Variants in TBC1D4 observed in about 807,000 individuals in gnomAD.
TBC1D4 encodes the protein TBC (Tre-2, BUB2, CDC16) domain-containing protein.
TBC1D4 carries 121 observed loss-of-function variants against 142.5 expected under a neutral mutation model. The observed-to-expected ratio is 0.85, with a 90% CI of 0.73 to 0.99. The LOEUF (loss-of-function observed/expected upper bound fraction) is 0.99, where lower values mean the gene tolerates loss of function less well. Among genes scored for constraint, TBC1D4 ranks in the 50% least tolerant of loss-of-function variants. TBC1D4 has a pLI of 0.00. For missense variants in TBC1D4, 1,475 were observed against 1,606.6 expected (o/e 0.92, Z 1.40); for synonymous variants, 630 against 628.2 (o/e 1.00, Z -0.04).
chr13:75,305,380 A>G (rs1877074449), intron 15 of TBC1D4, among the ~76,000 whole-genome samples: 1 of 152,256 alleles, frequency 6.6e-6, no homozygotes, highest in Non-Finnish European at 1.5e-5. Context: ...AAGCACTCCT[A>G]AAATATCTTT....
intron 5 of TBC1D4, among the ~76,000 whole-genome samples, chr13:75,344,854 ATAC>A (rs1881021296): frequency 6.6e-6 from 1 of 152,254 alleles, no homozygotes; most frequent in East Asian, 1.9e-4. Flanking sequence ...GTGAAATAAA[ATAC>A]TACTATCTGG....
At chr13:75,342,675 C>A (rs142346079) in intron 5 of TBC1D4, among the ~76,000 whole-genome samples, 3,458 of 151,814 alleles carry the variant, frequency 0.023, 66 homozygotes, top group Non-Finnish European at 0.033. Context: ...AAGTTTAATT[C>A]ATATTTGCAG....
At chr13:75,389,527 T>C (rs1419721598) in intron 1 of TBC1D4, among the ~76,000 whole-genome samples, 1 of 152,238 alleles carries the variant, frequency 6.6e-6, no homozygotes, top group Non-Finnish European at 1.5e-5. Context: ...TGGTTTTATT[T>C]AACTATTGTA....
chr13:75,296,325 T>G (rs1875923736), intron 17 of TBC1D4, among the ~76,000 whole-genome samples: 1 of 152,174 alleles, frequency 6.6e-6, no homozygotes, highest in Admixed American at 6.5e-5. Context: ...AAAGAGTTAG[T>G]ATTTTGGTAA....
chr13:75,434,154 T>C (rs753695472), intron 1 of TBC1D4, among the ~76,000 whole-genome samples: 27 of 152,172 alleles, frequency 1.8e-4, no homozygotes, highest in Non-Finnish European at 3.1e-4. Context: ...GCAATCCCAC[T>C]ACTGGGTATA....
chr13:75,481,199 C>CCCCCCACCCCCCCA, intron 1 of TBC1D4, 71 bp downstream of exon 1: 6 of 1,241,712 alleles, frequency 4.8e-6, no homozygotes, highest in East Asian at 3.0e-5. Flanking sequence ...GTGGGGTCCC[C>CCCCCCACCCCCCCA]GCCCCTCCCG....
At chr13:75,402,531 G>A (rs1885143633) in intron 1 of TBC1D4, among the ~76,000 whole-genome samples, 1 of 152,034 alleles carries the variant, frequency 6.6e-6, no homozygotes, top group Non-Finnish European at 1.5e-5. Flanking sequence ...TTTAAGTTGA[G>A]CAATCTGAAA....
At chr13:75,358,064 T>G (rs531712972) in intron 3 of TBC1D4, among the ~76,000 whole-genome samples, 1 of 150,886 alleles carries the variant, frequency 6.6e-6, no homozygotes, top group African/African-American at 2.4e-5. Context: ...GCTTGAGGAG[T>G]GTGGGGTGGG....
At chr13:75,470,163 AT>A (rs201304790) in intron 1 of TBC1D4, among the ~76,000 whole-genome samples, 3 of 151,682 alleles carry the variant, frequency 2.0e-5, no homozygotes, top group East Asian at 1.9e-4. Flanking sequence ...GGGGTTATCA[AT>A]TTTTTTTTCC....
intron 3 of TBC1D4, 110 bp from the exon 4 acceptor site, chr13:75,356,361 C>G (rs1358362385): frequency 1.3e-6 from 1 of 797,656 alleles, no homozygotes; most frequent in South Asian, 1.5e-5. Context: ...ACGAATTTCT[C>G]CTTCACAGCA....
At chr13:75,424,505 A>C (rs929485556) in intron 1 of TBC1D4, among the ~76,000 whole-genome samples, 1 of 152,134 alleles carries the variant, frequency 6.6e-6, no homozygotes, top group Non-Finnish European at 1.5e-5. Flanking sequence ...ACAGAAGTAA[A>C]AAAAAAATCT....
chr13:75,462,380 C>T (rs1038313959), intron 1 of TBC1D4, among the ~76,000 whole-genome samples: 2 of 151,974 alleles, frequency 1.3e-5, no homozygotes, highest in Non-Finnish European at 2.9e-5. Flanking sequence ...AATAGATAAG[C>T]AAAGAGAAGA....
intron 1 of TBC1D4, among the ~76,000 whole-genome samples, chr13:75,371,745 C>A (rs957345661): frequency 2.0e-5 from 3 of 152,092 alleles, no homozygotes; most frequent in Non-Finnish European, 4.4e-5. Context: ...GAGCGGTTTG[C>A]CCCTGTAAAA....
At chr13:75,359,268 T>A (rs1397763561) in intron 3 of TBC1D4, among the ~76,000 whole-genome samples, 2 of 152,310 alleles carry the variant, frequency 1.3e-5, no homozygotes, top group African/African-American at 4.8e-5. Flanking sequence ...AACATTTAAA[T>A]ACACAGTTTG....
chr13:75,457,928 C>T (rs1887805922), intron 1 of TBC1D4, among the ~76,000 whole-genome samples: 1 of 152,166 alleles, frequency 6.6e-6, no homozygotes, highest in African/African-American at 2.4e-5. Flanking sequence ...GGGGAGCATG[C>T]AGATGGGCAG....
rs1361327551 is a variant in TBC1D4, at chr13:75,310,071, AC to A, written c.2463del (p.Ser822LeufsTer18). ...TMEEEPLVVF[L>X]SGEDDPEKIE... Reference sequence around the variant, plus strand: ...ATCTTTTCTGGGTCATCCTCCCCAGACAGGAATACAACCAGCGGTTCCTCCT... The same window carrying A: ...ATCTTTTCTGGGTCATCCTCCCCAGAAGGAATACAACCAGCGGTTCCTCCT... On this transcript the variant is annotated frameshift_variant, in exon 14 of 21. Coordinates refer to ENST00000377636, the MANE Select transcript of TBC1D4 (RefSeq NM_014832.5). LOFTEE classifies it high-confidence loss of function. The A allele has an allele frequency of 6.2e-7, 1 of 1,614,110 alleles. No homozygotes were observed. The highest frequency in any genetic ancestry group is 8.5e-7 in the Non-Finnish European group (1 of 1,180,002).
At chr13:75,301,399 T>C (rs550605822) in intron 16 of TBC1D4, among the ~76,000 whole-genome samples, 2 of 152,220 alleles carry the variant, frequency 1.3e-5, no homozygotes, top group African/African-American at 4.8e-5. Flanking sequence ...CCCAGCACTC[T>C]GGGAGGCCGA....
At chr13:75,292,061 G>T in intron 19 of TBC1D4, 41 bp downstream of exon 19, 1 of 1,533,796 alleles carries the variant, frequency 6.5e-7, no homozygotes, top group South Asian at 1.2e-5. Context: ...ATATTCAGTA[G>T]AGAAAACTGC....
intron 1 of TBC1D4, among the ~76,000 whole-genome samples, chr13:75,463,187 A>AG (rs1888040673): frequency 6.6e-6 from 1 of 151,392 alleles, no homozygotes; most frequent in African/African-American, 2.4e-5. Flanking sequence ...ATAGAAAAAA[A>AG]AAGTCATAAC....
Sources: gnomAD v4.1 joint callset for allele counts (sites outside exome capture counted in the v4.1 genomes callset) on GRCh38, gnomAD v4.1.1 for gene constraint, MANE v1.5 for transcripts, NCBI Gene and HGNC (gene_info 2026-07-23, HGNC 2026-07-21) for gene names.